SEPTIN9: variants seen among roughly 807,000 people sequenced by gnomAD.
The protein encoded by SEPTIN9 is septin 9, also known as septin-9.
A neutral mutation model predicts 56.6 loss-of-function variants in SEPTIN9; 13 were observed. The observed-to-expected ratio is 0.23, with a 90% CI of 0.15 to 0.37. SEPTIN9 has a LOEUF of 0.37. Ranked by LOEUF, SEPTIN9 falls within the 10% of genes least tolerant of loss-of-function variation. The probability of loss-of-function intolerance (pLI) is 1.00; values close to 1 mark genes in which losing one functional copy is unlikely to be tolerated. For synonymous variants in SEPTIN9, 332 were observed against 334.1 expected (o/e 0.99, Z 0.07); for missense variants, 650 against 823.1 (o/e 0.79, Z 2.57).
chr17:77,440,311 C>T (rs1200850800), intron 3 of SEPTIN9, among the ~76,000 whole-genome samples: 4 of 152,234 alleles, frequency 2.6e-5, no homozygotes, highest in East Asian at 3.9e-4. Context: ...CCCACCACCA[C>T]GCCCGGCGAA....
At position 77,400,610 on chromosome 17, in the gene SEPTIN9, A is replaced by G. The variant is rs1249483951; in HGVS notation, c.77-1449A>G. ...AGACGGGTGAGGGGAAGGCACTGAA[A>G]TTGGTCCTGGAGCGCTATTATTGGG... On this transcript the variant is annotated intron_variant, in intron 2 of 11. Coordinates refer to ENST00000427177, the MANE Select transcript of SEPTIN9 (RefSeq NM_001113491.2). This position sits in a 1 kb window ranked among gnomAD's most constrained non-coding sequence, Gnocchi z 4.1. 1.3e-5 allele frequency: 2 copies of G among 152,264 alleles called. No homozygotes were observed. Among genetic ancestry groups the G allele is most frequent in the Admixed American group, 1.3e-4 (2 of 15,292 alleles). The allele number at this position is 152,264 out of a possible 1,614,324, so 9.4% of individuals were successfully genotyped here.
intron 2 of SEPTIN9, among the ~76,000 whole-genome samples, chr17:77,401,468 G>A (rs922352346): frequency 7.9e-5 from 12 of 152,146 alleles, no homozygotes; most frequent in African/African-American, 9.7e-5. Flanking sequence ...AATCAAGGCC[G>A]GGCACGGTGG....
chr17:77,402,002 C>T lies in SEPTIN9; in HGVS notation c.77-57C>T. On this transcript the variant is annotated intron_variant, in intron 2 of 11. Transcript: ENST00000427177. This position sits in a 1 kb window ranked among gnomAD's most constrained non-coding sequence, Gnocchi z 6.6. ...CTGCTGCTCCTTAGCAGGAAACATG[C>T]CGGAGTGTTCCCTAGCCATCCATTC... is the stretch of plus-strand genomic sequence containing the variant. The T allele has an allele frequency of 4.5e-6, 7 of 1,557,324 alleles. No homozygotes were observed. Among genetic ancestry groups the T allele is most frequent in the Non-Finnish European group, 6.1e-6 (7 of 1,141,674 alleles).
In SEPTIN9 at chr17:77,492,901, G is replaced by A. The variant is rs1598472286; in HGVS notation, c.1477-79G>A. On this transcript the variant is annotated intron_variant, in intron 9 of 11. Transcript: ENST00000427177. This position sits in a 1 kb window ranked among gnomAD's most constrained non-coding sequence, Gnocchi z 5.4. ...CGTTTTTGGGGGACCCCAGGCTCAG[G>A]GCAGCTCCTCCCGGGGGCCCAGGGG... is the stretch of plus-strand genomic sequence containing the variant. 1 of 1,392,836 alleles carries A rather than the reference G, an allele frequency of 7.2e-7. No individual in the cohort carries two copies. The highest frequency in any genetic ancestry group is 2.5e-5 in the East Asian group (1 of 40,582). 86.3% of individuals were successfully genotyped at this position (1,392,836 alleles called of 1,614,324 possible).
At chr17:77,345,494 G>A (rs1032298343) in intron 2 of SEPTIN9, among the ~76,000 whole-genome samples, 2 of 152,190 alleles carry the variant, frequency 1.3e-5, no homozygotes, top group African/African-American at 4.8e-5. Flanking sequence ...TAACAAAAAG[G>A]TTCTTGCCAG....
intron 2 of SEPTIN9, among the ~76,000 whole-genome samples, chr17:77,345,692 C>A (rs4789448): frequency 0.54 from 82,739 of 151,950 alleles, 23,379 homozygotes; most frequent in East Asian, 0.99. Context: ...GCAGCTGTGC[C>A]TTCAGAGGAA....
chr17:77,492,943 G>T lies in SEPTIN9; in HGVS notation c.1477-37G>T, dbSNP rs756282280. ...GCCCAGGGGAGGGAATTGCCTTCCC[G>T]CACATGTGTAACCAATACCGTCTGC... On this transcript the variant is annotated intron_variant, in intron 9 of 11. Transcript: ENST00000427177. The surrounding 1 kb of genome is among the most constrained non-coding windows in gnomAD (Gnocchi z 5.4). The T allele has an allele frequency of 1.0e-5, 16 of 1,533,970 alleles. No homozygotes were observed. The East Asian group carries it at 3.4e-4, about 33-fold the overall frequency.
chr17:77,455,999 C>T (rs1447156604), intron 3 of SEPTIN9, among the ~76,000 whole-genome samples: 1 of 152,174 alleles, frequency 6.6e-6, no homozygotes, highest in Non-Finnish European at 1.5e-5. Context: ...CTGGAAGATT[C>T]CCGGCACCGC....
intron 3 of SEPTIN9, among the ~76,000 whole-genome samples, chr17:77,443,638 CA>C (rs906700080): frequency 1.3e-5 from 2 of 150,212 alleles, no homozygotes; most frequent in Non-Finnish European, 3.0e-5. Context: ...GCTAAAAATA[CA>C]AAAAAAAATT....
intron 3 of SEPTIN9, among the ~76,000 whole-genome samples, chr17:77,426,125 C>T (rs1008573782): frequency 3.8e-4 from 58 of 152,210 alleles, no homozygotes; most frequent in African/African-American, 9.6e-4. Context: ...AGCAGCACCC[C>T]GCCCCCCACC....
intron 1 of SEPTIN9, among the ~76,000 whole-genome samples, chr17:77,290,772 G>A (rs769872146): frequency 2.0e-5 from 3 of 150,488 alleles, no homozygotes; most frequent in East Asian, 2.1e-4. Context: ...CCGAGATTGC[G>A]CCAGTGCACT....
In SEPTIN9 at chr17:77,445,985, C is replaced by A. The variant is rs1424136429; in HGVS notation, c.722-36159C>A. The A allele has an allele frequency of 5.9e-6, 1 of 169,200 alleles. No homozygotes were observed. Among genetic ancestry groups the A allele is most frequent in the East Asian group, 1.9e-4 (1 of 5,212 alleles). 10.5% of individuals were successfully genotyped at this position (169,200 alleles called of 1,614,324 possible). Reference sequence around the variant, plus strand: ...CAGCCTTGGAAAATCCAACACAGAACCCCGAGTAGGGGCGGGAAGGGGTCC... The same window carrying A: ...CAGCCTTGGAAAATCCAACACAGAAACCCGAGTAGGGGCGGGAAGGGGTCC... On this transcript the variant is annotated intron_variant, in intron 3 of 11. Transcript: ENST00000427177. This position sits in a 1 kb window ranked among gnomAD's most constrained non-coding sequence, Gnocchi z 4.7.
In SEPTIN9 at chr17:77,436,426, G is replaced by A. The variant is rs895967066; in HGVS notation, c.721+33723G>A. Among the ~76,000 whole-genome samples the A allele has an allele frequency of 2.6e-5, 4 of 152,184 alleles. No homozygotes were observed. Among genetic ancestry groups the A allele is most frequent in the African/African-American group, 9.7e-5 (4 of 41,438 alleles). On this transcript the variant is annotated intron_variant, in intron 3 of 11. Coordinates refer to ENST00000427177, the MANE Select transcript of SEPTIN9 (RefSeq NM_001113491.2). This position sits in a 1 kb window ranked among gnomAD's most constrained non-coding sequence, Gnocchi z 4.4. ...GGAGTGAATGTGAGATTCATTACTG[G>A]GATTTGGCAAAGCAAAGAGCCTCAC... is the stretch of plus-strand genomic sequence containing the variant.
rs994858820 is a variant in SEPTIN9 at position 77,450,811 on chromosome 17, C to T, written c.722-31333C>T. 2.7e-5 allele frequency: 27 copies of T among 986,250 alleles called. No individual in the cohort carries two copies. The highest frequency in any genetic ancestry group is 9.4e-5 in the South Asian group (2 of 21,294). 61.1% of individuals were successfully genotyped at this position (986,250 alleles called of 1,614,324 possible). A position where few individuals can be genotyped will look rare whatever the true frequency, so the allele number is the denominator to read the frequency against. ...GGTGAGCTGCGCCCCCATCCCCTGC[C>T]CCTCCTCTCCTGCTCCTTCTCCCTT... On this transcript the variant is annotated intron_variant, in intron 3 of 11. Transcript: ENST00000427177. This position sits in a 1 kb window ranked among gnomAD's most constrained non-coding sequence, Gnocchi z 6.0.
intron 1 of SEPTIN9, among the ~76,000 whole-genome samples, chr17:77,291,854 G>A (rs1026967269): frequency 1.3e-5 from 2 of 152,238 alleles, no homozygotes; most frequent in Non-Finnish European, 2.9e-5. Context: ...GATTGCGCAT[G>A]ATGAGTCCCT....
rs1283220653 is a variant in SEPTIN9, at chr17:77,456,018, C to T, written c.722-26126C>T. Among the ~76,000 whole-genome samples the T allele has an allele frequency of 6.6e-6, 1 of 152,180 alleles. No homozygotes were observed. Among genetic ancestry groups the T allele is most frequent in the Admixed American group, 6.5e-5 (1 of 15,286 alleles). Reference sequence around the variant, plus strand: ...AAGATTCCCGGCACCGCTTCCCATGCGCCACGTGACTAGGAGGGTCTTGGG... The same window carrying T: ...AAGATTCCCGGCACCGCTTCCCATGTGCCACGTGACTAGGAGGGTCTTGGG... On this transcript the variant is annotated intron_variant, in intron 3 of 11. Coordinates refer to ENST00000427177, the MANE Select transcript of SEPTIN9 (RefSeq NM_001113491.2). This position sits in a 1 kb window ranked among gnomAD's most constrained non-coding sequence, Gnocchi z 6.0.
Position 77,318,804 on chromosome 17 carries a change from G to A in SEPTIN9, c.76+11607G>A, listed in dbSNP as rs2032797145. The stretch of plus-strand genomic sequence containing the variant: ...CCTTTGGCTCTGTCATCTAGCCGAG[G>A]GCTGTGCATGGGCCTCACCTGGTCA... On this transcript the variant is annotated intron_variant, in intron 2 of 11. Coordinates refer to ENST00000427177, the MANE Select transcript of SEPTIN9 (RefSeq NM_001113491.2). The surrounding 1 kb of genome is among the most constrained non-coding windows in gnomAD (Gnocchi z 4.9). Among the ~76,000 whole-genome samples the A allele has an allele frequency of 6.6e-6, 1 of 152,174 alleles. No individual in the cohort carries two copies. Among genetic ancestry groups the A allele is most frequent in the South Asian group, 2.1e-4 (1 of 4,832 alleles).
chr17:77,432,949 T>TG (rs1236816565), intron 3 of SEPTIN9, among the ~76,000 whole-genome samples: 2 of 152,160 alleles, frequency 1.3e-5, no homozygotes, highest in African/African-American at 4.8e-5. Context: ...AGTTCAGGGC[T>TG]GGGGGTGGGT....
chr17:77,448,188 C>G (rs927136468), intron 3 of SEPTIN9, among the ~76,000 whole-genome samples: 1 of 152,034 alleles, frequency 6.6e-6, no homozygotes, highest in Admixed American at 6.6e-5. Flanking sequence ...TGAGACTATC[C>G]GAGGATGGGC....
Sources: allele counts gnomAD v4.1 joint callset (sites outside exome capture counted in the v4.1 genomes callset), GRCh38; gene constraint gnomAD v4.1.1; non-coding constraint Gnocchi (gnomAD v3.1); transcripts MANE v1.5; gene names NCBI Gene and HGNC (gene_info 2026-07-23, HGNC 2026-07-21).